GPC6: variants seen among roughly 807,000 people sequenced by gnomAD.
GPC6 encodes the protein glypican-6.
In GPC6, 14 loss-of-function variants were observed where a neutral mutation model predicts 55.2. That is an observed-to-expected ratio of 0.25 (90% CI 0.17 to 0.40). The LOEUF is 0.40. Ranked by LOEUF, GPC6 falls within the 10% of genes least tolerant of loss-of-function variation. The pLI is 1.00. For missense variants in GPC6, 641 were observed against 708.5 expected (o/e 0.90, Z 1.08); for synonymous variants, 278 against 259.6 (o/e 1.07, Z -0.68).
chr13:93,559,515 A>G (rs1244354061), intron 2 of GPC6, among the ~76,000 whole-genome samples: 3 of 152,202 alleles, frequency 2.0e-5, no homozygotes, highest in South Asian at 2.1e-4. Flanking sequence ...CAATTGACTT[A>G]GTATATGGAT....
chr13:94,300,067 G>A (rs1184984146), intron 5 of GPC6, among the ~76,000 whole-genome samples: 2 of 152,042 alleles, frequency 1.3e-5, no homozygotes, highest in African/African-American at 4.8e-5. Flanking sequence ...TTAGAGCTCT[G>A]TTTGCAAATT....
chr13:93,550,729 C>T (rs1875104510), intron 2 of GPC6, among the ~76,000 whole-genome samples: 3 of 151,788 alleles, frequency 2.0e-5, no homozygotes, highest in African/African-American at 7.3e-5. Context: ...AGGAAAAAAC[C>T]CTAAATAGGT....
At chr13:94,330,697 G>C (rs1877364433) in intron 6 of GPC6, among the ~76,000 whole-genome samples, 1 of 152,126 alleles carries the variant, frequency 6.6e-6, no homozygotes, top group African/African-American at 2.4e-5. Context: ...TCAAATCCTT[G>C]TCTGTTAAAG....
In GPC6 at chr13:93,788,518, T is replaced by TACACACACACACACAC. The variant is rs71203703; in HGVS notation, c.320-41625_320-41610dup. Among the ~76,000 whole-genome samples the TACACACACACACACAC allele has an allele frequency of 3.9e-3, 571 of 148,024 alleles. 3 individuals are homozygous for TACACACACACACACAC. Among genetic ancestry groups the TACACACACACACACAC allele is most frequent in the East Asian group, 0.018 (86 of 4,900 alleles). On this transcript the variant is annotated intron_variant, in intron 2 of 8. Coordinates refer to ENST00000377047, the MANE Select transcript of GPC6 (RefSeq NM_005708.5). The stretch of plus-strand genomic sequence containing the variant: ...CCTATTCTGTTCATTGTTCACTCTT[T>TACACACACACACACAC]ACACACACACACACACACACACACA...
intron 8 of GPC6, 106 bp downstream of exon 8, chr13:94,398,747 C>A: frequency 1.1e-6 from 1 of 873,448 alleles, no homozygotes; most frequent in South Asian, 1.4e-5. Context: ...AATTTATTCT[C>A]ATTCTTCCTC....
At position 93,776,039 on chromosome 13, in the gene GPC6, G is replaced by A. The variant is rs1326902846; in HGVS notation, c.320-54115G>A. On this transcript the variant is annotated intron_variant, in intron 2 of 8. Transcript: ENST00000377047. ...TTTACTTTTAAAGCCTTTTTTTTCC[G>A]TCTTTTTTTCTTTGTTTCTTTCTTT... is the stretch of plus-strand genomic sequence containing the variant. Among the ~76,000 whole-genome samples, 9 of 34,700 alleles carry A rather than the reference G, an allele frequency of 2.6e-4. No individual in the cohort carries two copies. In the East Asian group the frequency reaches 4.2e-3, roughly 16 times the overall value. 22.8% of individuals were successfully genotyped at this position (34,700 alleles called of 152,430 possible). A position where few individuals can be genotyped will look rare whatever the true frequency, so the allele number is the denominator to read the frequency against.
At chr13:93,870,746 G>A (rs896976678) in intron 3 of GPC6, among the ~76,000 whole-genome samples, 6 of 151,684 alleles carry the variant, frequency 4.0e-5, no homozygotes, top group Non-Finnish European at 7.4e-5. Flanking sequence ...TGGAGAAGAC[G>A]ACAATCTACA....
rs1458034164 is a variant in GPC6, at chr13:93,541,869, G to A, written c.161-3394G>A. Among the ~76,000 whole-genome samples the A allele has an allele frequency of 4.6e-5, 7 of 150,994 alleles. No homozygotes were observed. The East Asian group carries it at 9.9e-4, about 21-fold the overall frequency. On this transcript the variant is annotated intron_variant, in intron 1 of 8. Transcript: ENST00000377047. ...CATGTCCTTTGCCCACTTTTTGATG[G>A]GGTTGTTTTTTTCTTGTAAATTTGT...
At chr13:93,254,314 A>ACT (rs748876893) in intron 1 of GPC6, among the ~76,000 whole-genome samples, 3 of 152,160 alleles carry the variant, frequency 2.0e-5, no homozygotes, top group Non-Finnish European at 4.4e-5. Flanking sequence ...ACAGACTGAG[A>ACT]CTCTATCTCT....
At chr13:93,894,104 AT>A (rs1371254178) in intron 3 of GPC6, among the ~76,000 whole-genome samples, 5 of 152,048 alleles carry the variant, frequency 3.3e-5, no homozygotes, top group East Asian at 3.9e-4. Context: ...AAATTGATTA[AT>A]TTTTTTTGTT....
At chr13:93,439,774 A>G (rs1208592991) in intron 1 of GPC6, among the ~76,000 whole-genome samples, 2 of 152,170 alleles carry the variant, frequency 1.3e-5, no homozygotes, top group African/African-American at 4.8e-5. Context: ...TGACTAATAC[A>G]TGGCTGAATA....
chr13:93,771,828 GA>G (rs1231935079), intron 2 of GPC6, among the ~76,000 whole-genome samples: 1 of 152,056 alleles, frequency 6.6e-6, no homozygotes, highest in African/African-American at 2.4e-5. Flanking sequence ...TAAGGAACAT[GA>G]AAATGTTTCT....
chr13:93,744,745 T>TA (rs1035413943), intron 2 of GPC6, among the ~76,000 whole-genome samples: 3 of 151,082 alleles, frequency 2.0e-5, no homozygotes, highest in African/African-American at 7.3e-5. Flanking sequence ...GACTGGCCAA[T>TA]ATGGTGAAAC....
intron 3 of GPC6, among the ~76,000 whole-genome samples, chr13:93,846,966 C>G (rs570485524): frequency 1.4e-4 from 21 of 152,294 alleles, no homozygotes; most frequent in African/African-American, 5.1e-4. Context: ...GAAGCCTAAA[C>G]TCTTGTGGAT....
At chr13:93,312,294 A>C (rs1418094017) in intron 1 of GPC6, among the ~76,000 whole-genome samples, 1 of 152,154 alleles carries the variant, frequency 6.6e-6, no homozygotes, top group East Asian at 1.9e-4. Context: ...AGATCCTGAG[A>C]ACAGGGTACA....
rs148557297 is a variant in GPC6 at position 93,428,929 on chromosome 13, A to T, written c.161-116334A>T. The stretch of plus-strand genomic sequence containing the variant: ...CAGATAGGAAAACTGAGGCCCAAGA[A>T]ATCACACTATTGGTTGCTGGTGGCA... On this transcript the variant is annotated intron_variant, in intron 1 of 8. Transcript: ENST00000377047. 9.9e-5 allele frequency among the ~76,000 whole-genome samples: 15 copies of T among 152,262 alleles called. No individual in the cohort carries two copies. In the East Asian group the frequency reaches 2.7e-3, roughly 27 times the overall value.
chr13:94,112,730 G>A (rs968301385), intron 4 of GPC6, among the ~76,000 whole-genome samples: 9 of 152,100 alleles, frequency 5.9e-5, no homozygotes, highest in Admixed American at 3.9e-4. Flanking sequence ...GTAGCATCAC[G>A]GATGATACTT....
chr13:93,893,430 C>T (rs973685440), intron 3 of GPC6, among the ~76,000 whole-genome samples: 10 of 152,024 alleles, frequency 6.6e-5, no homozygotes, highest in African/African-American at 1.7e-4. Context: ...AAATCACCAG[C>T]GATGCAGAAA....
At position 93,574,480 on chromosome 13, in the gene GPC6, G is replaced by T. The variant is rs371041607; in HGVS notation, c.319+29059G>T. On this transcript the variant is annotated intron_variant, in intron 2 of 8. Coordinates refer to ENST00000377047, the MANE Select transcript of GPC6 (RefSeq NM_005708.5). ...GGAGTATGGCCCTGCTTACTTTCTT[G>T]ATTTTGGACCCCTAGCCTCCTGAAC... Among the ~76,000 whole-genome samples the T allele has an allele frequency of 2.0e-4, 31 of 152,028 alleles. 1 individual carries two copies. The highest frequency in any genetic ancestry group is 6.3e-4 in the African/African-American group (26 of 41,406).
Sources: gnomAD v4.1 joint callset for allele counts (sites outside exome capture counted in the v4.1 genomes callset) on GRCh38, gnomAD v4.1.1 for gene constraint, MANE v1.5 for transcripts, NCBI Gene and HGNC (gene_info 2026-07-23, HGNC 2026-07-21) for gene names.